Variants in FAM78A observed in about 807,000 individuals in gnomAD.
FAM78A encodes the protein protein FAM78A.
Under a neutral mutation model 22.6 loss-of-function variants are expected in FAM78A, and 12 were observed. That is an observed-to-expected ratio of 0.53 (90% CI 0.34 to 0.86). The LOEUF is 0.86. Among genes scored for constraint, FAM78A ranks in the 40% least tolerant of loss-of-function variants. FAM78A has a pLI of 0.02. For missense variants in FAM78A, 322 were observed against 396.1 expected (o/e 0.81, Z 1.59); for synonymous variants, 151 against 155.8 (o/e 0.97, Z 0.23).
At chr9:131,278,142 T>TCCCTCGCTCC (rs982700345), upstream of FAM78A, among the ~76,000 whole-genome samples, 6 of 145,960 alleles carry the variant, frequency 4.1e-5, no homozygotes, top group East Asian at 4.4e-4. Context: ...CCCCTGGTAA[T>TCCCTCGCTCC]CCCTCGCTCC....
At position 131,261,324 on chromosome 9, in the gene FAM78A, T is replaced by C. The variant is rs772008228; in HGVS notation, c.350A>G (p.Gln117Arg). The C allele has an allele frequency of 6.3e-7, 1 of 1,595,914 alleles. No individual in the cohort carries two copies. The highest frequency in any genetic ancestry group is 1.1e-5 in the South Asian group (1 of 90,602). ...GCTGATGGCTTGGATCTTGCCCTCC[T>C]GGAGGTCGGGGAGCTCCCAGCTGGA... is the stretch of plus-strand genomic sequence containing the variant. Reference protein sequence around the residue: ...GMSSWELPDLQEGKIQAISDS... With the variant: ...GMSSWELPDLREGKIQAISDS... The change falls in exon 2 of 2, where the codon CAG becomes CGG. Residue 117 changes from glutamine to arginine, a missense_variant. Coordinates refer to ENST00000372271, the MANE Select transcript of FAM78A (RefSeq NM_033387.4). The surrounding 1 kb of genome is among the most constrained non-coding windows in gnomAD (Gnocchi z 7.1).
chr9:131,274,342 C>CG lies in FAM78A; in HGVS notation c.323+1514dup, dbSNP rs113186861. Among the ~76,000 whole-genome samples, 2,348 of 152,326 alleles carry CG rather than the reference C, an allele frequency of 0.015. 66 individuals carry two copies. The highest frequency in any genetic ancestry group is 0.054 in the African/African-American group (2,233 of 41,554). ...AAAACTTTTGTTTCTACAACTGTCC[C>CG]GATGCCTTCAAAGCCCGAGGAGGTT... On this transcript the variant is annotated intron_variant, in intron 1 of 1. Coordinates refer to ENST00000372271, the MANE Select transcript of FAM78A (RefSeq NM_033387.4). The surrounding 1 kb of genome is among the most constrained non-coding windows in gnomAD (Gnocchi z 4.2).
rs574316152 is a variant in FAM78A, at chr9:131,275,771, C to A, written c.323+86G>T. 13 of 1,399,204 alleles carry A rather than the reference C, an allele frequency of 9.3e-6. No homozygotes were observed. The East Asian group carries it at 3.1e-4, about 34-fold the overall frequency. 86.7% of individuals were successfully genotyped at this position (1,399,204 alleles called of 1,614,324 possible). A position where few individuals can be genotyped will look rare whatever the true frequency, so the allele number is the denominator to read the frequency against. On this transcript the variant is annotated intron_variant, in intron 1 of 1. Transcript: ENST00000372271. This position sits in a 1 kb window ranked among gnomAD's most constrained non-coding sequence, Gnocchi z 4.6. ...CCGTCCTGTCTTCATGGTATCTCCA[C>A]CTTCCCCCTATCCGCGGCCCCCCAC...
intron 1 of FAM78A, among the ~76,000 whole-genome samples, chr9:131,273,604 C>T (rs912396775): frequency 3.9e-5 from 6 of 152,208 alleles, no homozygotes; most frequent in South Asian, 2.1e-4. Context: ...GTGGGCCCTA[C>T]GTGACAGAGA....
rs527993673 is a variant in FAM78A, at chr9:131,272,023, GT to G, written c.323+3833del. 9.7e-3 allele frequency among the ~76,000 whole-genome samples: 1,430 copies of G among 147,722 alleles called. 7 individuals are homozygous for G. Among genetic ancestry groups the G allele is most frequent in the Middle Eastern group, 0.046 (13 of 282 alleles). ...AAGTCAGGGTATTATTGAGATGGTGGTTTTTTTTTTTAATTGTTCCATTTCA... is the reference window on the plus strand; with the variant it reads ...AAGTCAGGGTATTATTGAGATGGTGGTTTTTTTTTTAATTGTTCCATTTCA... On this transcript the variant is annotated intron_variant, in intron 1 of 1. Transcript: ENST00000372271. This position sits in a 1 kb window ranked among gnomAD's most constrained non-coding sequence, Gnocchi z 4.1.
intron 1 of FAM78A, among the ~76,000 whole-genome samples, chr9:131,271,396 A>G (rs1835420113): frequency 1.3e-5 from 2 of 152,206 alleles, no homozygotes; most frequent in African/African-American, 2.4e-5. Flanking sequence ...TAGCTATGGT[A>G]TTGACGGCTA....
intron 1 of FAM78A, chr9:131,270,297 T>C (rs1470639414): frequency 4.2e-6 from 3 of 717,404 alleles, no homozygotes; most frequent in Non-Finnish European, 7.8e-6. Context: ...CTCACCTGCC[T>C]CAACTGTCCT....
chr9:131,262,426 A>C (rs1835284904), intron 1 of FAM78A, among the ~76,000 whole-genome samples: 1 of 150,284 alleles, frequency 6.7e-6, no homozygotes, highest in Non-Finnish European at 1.5e-5. Flanking sequence ...CGGTGAGCTG[A>C]GATTGTGCCA....
chr9:131,261,429 G>T lies in FAM78A; in HGVS notation c.324-79C>A. 7.2e-7 allele frequency: 1 copy of T among 1,379,764 alleles called. No homozygotes were observed. Among genetic ancestry groups the T allele is most frequent in the Non-Finnish European group, 9.6e-7 (1 of 1,043,196 alleles). 85.5% of individuals were successfully genotyped at this position (1,379,764 alleles called of 1,614,324 possible). On this transcript the variant is annotated intron_variant, in intron 1 of 1. Transcript: ENST00000372271. This position sits in a 1 kb window ranked among gnomAD's most constrained non-coding sequence, Gnocchi z 7.1. ...GTGTCCCCCTGGCAGGCCAGGGGCT[G>T]TCCTGGGCCCTGAGGATGGAACGGA...
chr9:131,261,788 C>T lies in FAM78A; in HGVS notation c.324-438G>A, dbSNP rs1223219656. Among the ~76,000 whole-genome samples the T allele has an allele frequency of 6.6e-6, 1 of 152,140 alleles. No homozygotes were observed. The highest frequency in any genetic ancestry group is 1.5e-5 in the Non-Finnish European group (1 of 68,018). The stretch of plus-strand genomic sequence containing the variant: ...GAGTGAGGCTACATTTTCCTAAGGA[C>T]ATTTGGCCAAGCGGTGGGGCCTGGG... On this transcript the variant is annotated intron_variant, in intron 1 of 1. Transcript: ENST00000372271. The surrounding 1 kb of genome is among the most constrained non-coding windows in gnomAD (Gnocchi z 7.1).
upstream of FAM78A, among the ~76,000 whole-genome samples, chr9:131,277,439 G>C (rs1053272623): frequency 4.8e-4 from 73 of 152,040 alleles, no homozygotes; most frequent in South Asian, 1.2e-3. The surrounding 1 kb of genome is among the most constrained non-coding windows in gnomAD (Gnocchi z 8.4). Flanking sequence ...CGCCTCTGTC[G>C]CCCCTCTCCA....
intron 1 of FAM78A, among the ~76,000 whole-genome samples, chr9:131,268,812 G>C (rs945799501): frequency 6.6e-6 from 1 of 151,866 alleles, no homozygotes; most frequent in Non-Finnish European, 1.5e-5. Flanking sequence ...AGAATCACTT[G>C]AACCCGGGAG....
intron 1 of FAM78A, among the ~76,000 whole-genome samples, chr9:131,267,402 C>G (rs1389329573): frequency 6.6e-6 from 1 of 152,120 alleles, no homozygotes; most frequent in Non-Finnish European, 1.5e-5. Context: ...CATGGTGGTG[C>G]GTCCCTATAC....
chr9:131,264,399 G>A (rs927009567), intron 1 of FAM78A: 8 of 578,610 alleles, frequency 1.4e-5, no homozygotes, highest in East Asian at 3.0e-5. Context: ...ACCAGGCTGC[G>A]TGGATCCCTC....
At chr9:131,269,730 G>C (rs1346112999) in intron 1 of FAM78A, among the ~76,000 whole-genome samples, 3 of 152,112 alleles carry the variant, frequency 2.0e-5, no homozygotes, top group Non-Finnish European at 4.4e-5. Flanking sequence ...ACCTGCCTCA[G>C]CCTCCCAAAA....
At chr9:131,280,399 C>T (rs760806781), upstream of FAM78A, among the ~76,000 whole-genome samples, 2 of 152,226 alleles carry the variant, frequency 1.3e-5, no homozygotes, top group African/African-American at 4.8e-5. Context: ...GACGCATCCA[C>T]GCGCGTGTGA....
At chr9:131,269,961 G>A (rs1835395897) in intron 1 of FAM78A, among the ~76,000 whole-genome samples, 2 of 150,190 alleles carry the variant, frequency 1.3e-5, no homozygotes, top group African/African-American at 4.9e-5. Flanking sequence ...TTGGGAGGCC[G>A]AGGCAGGCAG....
rs1165053890 is a variant in FAM78A at position 131,258,710 on chromosome 9, G to C, written c.*2112C>G. 1.3e-5 allele frequency: 2 copies of C among 152,288 alleles called. No homozygotes were observed. Among genetic ancestry groups the C allele is most frequent in the African/African-American group, 2.4e-5 (1 of 41,444 alleles). The allele number at this position is 152,288 out of a possible 1,614,324, so 9.4% of individuals were successfully genotyped here. On this transcript the variant is annotated 3_prime_UTR_variant, in exon 2 of 2. Coordinates refer to ENST00000372271, the MANE Select transcript of FAM78A (RefSeq NM_033387.4). Reference sequence around the variant, plus strand: ...TTAGTGCAACAAAGACCTGAGTGGAGAAGTCTCCAGTGAATGAAAGCTGAG... The same window carrying C: ...TTAGTGCAACAAAGACCTGAGTGGACAAGTCTCCAGTGAATGAAAGCTGAG...
chr9:131,270,571 C>T, intron 1 of FAM78A: 1 of 712,364 alleles, frequency 1.4e-6, no homozygotes, highest in Admixed American at 2.0e-5. Context: ...ATCCCCCCTA[C>T]TTCCTCCCAC....
Sources: allele counts gnomAD v4.1 joint callset (sites outside exome capture counted in the v4.1 genomes callset), GRCh38; gene constraint gnomAD v4.1.1; non-coding constraint Gnocchi (gnomAD v3.1); transcripts MANE v1.5; gene names NCBI Gene and HGNC (gene_info 2026-07-23, HGNC 2026-07-21).